FNDC3B: variants seen among roughly 807,000 people sequenced by gnomAD.
The protein encoded by FNDC3B is fibronectin type III domain containing 3B, also known as fibronectin type III domain-containing protein 3B.
Under a neutral mutation model 151.5 loss-of-function variants are expected in FNDC3B, and 12 were observed. That is an observed-to-expected ratio of 0.08 (90% CI 0.05 to 0.13). The LOEUF (loss-of-function observed/expected upper bound fraction) is 0.13. FNDC3B is among the 10% of genes least tolerant of loss of function. FNDC3B has a pLI of 1.00. For synonymous variants in FNDC3B, 528 were observed against 549.0 expected (o/e 0.96, Z 0.54); for missense variants, 1,214 against 1,505.3 (o/e 0.81, Z 3.20).
chr3:172,212,301 T>C (rs1483973016), intron 3 of FNDC3B, among the ~76,000 whole-genome samples: 3 of 152,214 alleles, frequency 2.0e-5, no homozygotes, highest in African/African-American at 7.2e-5. Flanking sequence ...AAAACTTAGC[T>C]AATTGGACTC....
At chr3:172,247,289 A>G (rs751985725) in intron 4 of FNDC3B, among the ~76,000 whole-genome samples, 3 of 152,254 alleles carry the variant, frequency 2.0e-5, no homozygotes, top group Non-Finnish European at 4.4e-5. Flanking sequence ...GGTCTCTCCA[A>G]AAAGTTACAT....
intron 1 of FNDC3B, among the ~76,000 whole-genome samples, chr3:172,041,505 T>A (rs370922304): frequency 0.023 from 2,733 of 120,968 alleles, 55 homozygotes; most frequent in Middle Eastern, 0.068. Context: ...TTTTTTTTTT[T>A]AAATAAATGT....
intron 3 of FNDC3B, among the ~76,000 whole-genome samples, chr3:172,142,190 G>A (rs540713646): frequency 1.3e-5 from 2 of 152,116 alleles, no homozygotes; most frequent in Non-Finnish European, 2.9e-5. Flanking sequence ...CTAAGCTTTC[G>A]CTCTTTATTA....
intron 3 of FNDC3B, among the ~76,000 whole-genome samples, chr3:172,137,902 C>T (rs1576899231): frequency 6.6e-6 from 1 of 152,086 alleles, no homozygotes; most frequent in African/African-American, 2.4e-5. Flanking sequence ...GTATAAAGAG[C>T]TAATTGTTAG....
chr3:172,260,253 G>T (rs1475396505), intron 6 of FNDC3B, among the ~76,000 whole-genome samples: 1 of 152,192 alleles, frequency 6.6e-6, no homozygotes, highest in East Asian at 1.9e-4. Context: ...TAGCTAAGTT[G>T]AATTCTGAAT....
rs1045320678 is a variant in FNDC3B at position 172,239,354 on chromosome 3, A to G, written c.265-8179A>G. ...TCGCATGCTCACTTTTATCTGAGAC[A>G]TCTTCTCTTCCTGGAATGACCTGGG... On this transcript the variant is annotated intron_variant, in intron 4 of 25. Transcript: ENST00000415807. Among the ~76,000 whole-genome samples the G allele has an allele frequency of 2.3e-4, 35 of 152,236 alleles. 2 individuals are homozygous for G. The highest frequency in any genetic ancestry group is 8.4e-4 in the African/African-American group (35 of 41,524).
chr3:172,353,108 G>C, intron 22 of FNDC3B, 25 bp downstream of exon 22: 1 of 1,604,648 alleles, frequency 6.2e-7, no homozygotes, highest in South Asian at 1.1e-5. Flanking sequence ...GTAGAAATCT[G>C]CATCAGCACA....
At chr3:172,181,242 A>G (rs1304083664) in intron 3 of FNDC3B, among the ~76,000 whole-genome samples, 1 of 151,710 alleles carries the variant, frequency 6.6e-6, no homozygotes, top group Non-Finnish European at 1.5e-5. Flanking sequence ...TCTACCAAAA[A>G]TACAAAAATT....
At chr3:172,061,037 TTTCTATACC>T (rs1261248240) in intron 1 of FNDC3B, among the ~76,000 whole-genome samples, 1 of 152,152 alleles carries the variant, frequency 6.6e-6, no homozygotes, top group African/African-American at 2.4e-5. Flanking sequence ...GAAGGCAGTG[TTTCTATACC>T]TCCTGAGCTC....
intron 23 of FNDC3B, among the ~76,000 whole-genome samples, chr3:172,375,362 A>G (rs573609964): frequency 1.3e-5 from 2 of 152,304 alleles, no homozygotes; most frequent in Admixed American, 6.5e-5. Context: ...AGATGGCCCA[A>G]TTGACACTTG....
rs368254220 is a variant in FNDC3B, at chr3:172,151,584, A to G, written c.187+18038A>G. Reference sequence around the variant, plus strand: ...AATTTAAATTTATTCCAGATGTACAAGAAGTATTTGAGATTTGGTAGTTTT... The same window carrying G: ...AATTTAAATTTATTCCAGATGTACAGGAAGTATTTGAGATTTGGTAGTTTT... On this transcript the variant is annotated intron_variant, in intron 3 of 25. Coordinates refer to ENST00000415807, the MANE Select transcript of FNDC3B (RefSeq NM_022763.4). Among the ~76,000 whole-genome samples the G allele has an allele frequency of 5.9e-5, 9 of 152,320 alleles. No individual in the cohort carries two copies. The East Asian group carries it at 1.7e-3, about 29-fold the overall frequency.
chr3:172,371,789 T>C (rs1028019800), intron 23 of FNDC3B, among the ~76,000 whole-genome samples: 1 of 152,204 alleles, frequency 6.6e-6, no homozygotes, highest in Non-Finnish European at 1.5e-5. Flanking sequence ...TGCCCAGCTC[T>C]TCTCTCCAAC....
At chr3:172,181,853 A>G (rs1450711833) in intron 3 of FNDC3B, among the ~76,000 whole-genome samples, 1 of 133,042 alleles carries the variant, frequency 7.5e-6, no homozygotes, top group Non-Finnish European at 1.6e-5. Flanking sequence ...AAAAAAAAAG[A>G]TTTTCAGTGG....
At chr3:172,102,599 A>T (rs76373984) in intron 1 of FNDC3B, among the ~76,000 whole-genome samples, 1 of 152,174 alleles carries the variant, frequency 6.6e-6, no homozygotes, top group African/African-American at 2.4e-5. Flanking sequence ...AGACACAGAG[A>T]GCTTACATAG....
rs574424303 is a variant in FNDC3B at position 172,341,159 on chromosome 3, C to T, written c.1899C>T (p.Thr633=). ...VAYSGSATEY[T]FTHLKPGTLY... is the part of the protein sequence containing the mutation. ...ACAGTGGGTCGGCTACCGAATACAC[C>T]TTCACCCACTTGAAACCAGGCACTT... is the stretch of plus-strand genomic sequence containing the variant. The change falls in exon 17 of 26, where the codon ACC becomes ACT. Residue 633 remains threonine, a synonymous_variant. Transcript: ENST00000415807. 30 of 1,614,178 alleles carry T rather than the reference C, an allele frequency of 1.9e-5. No individual in the cohort carries two copies. In the Admixed American group the frequency reaches 4.2e-4, roughly 22 times the overall value.
chr3:172,046,127 A>G (rs1428592550), intron 1 of FNDC3B, among the ~76,000 whole-genome samples: 1 of 152,174 alleles, frequency 6.6e-6, no homozygotes, highest in Non-Finnish European at 1.5e-5. Flanking sequence ...TATAAATCAC[A>G]TAAGATCGAT....
chr3:172,224,463 A>G (rs1726448477), intron 3 of FNDC3B, among the ~76,000 whole-genome samples: 1 of 152,222 alleles, frequency 6.6e-6, no homozygotes, highest in Non-Finnish European at 1.5e-5. Flanking sequence ...TTGGTATATT[A>G]TCCATGAATT....
At chr3:172,387,756 G>C (rs1047575218) in intron 25 of FNDC3B, among the ~76,000 whole-genome samples, 1 of 152,124 alleles carries the variant, frequency 6.6e-6, no homozygotes, top group African/African-American at 2.4e-5. Flanking sequence ...GAAACTGTCG[G>C]GTGTTTTACA....
chr3:172,307,927 T>TG (rs1731276588), intron 10 of FNDC3B, among the ~76,000 whole-genome samples: 1 of 152,224 alleles, frequency 6.6e-6, no homozygotes, highest in African/African-American at 2.4e-5. Context: ...CACGTATAAG[T>TG]GATATAGGTA....
Sources: gnomAD v4.1 joint callset for allele counts (sites outside exome capture counted in the v4.1 genomes callset) on GRCh38, gnomAD v4.1.1 for gene constraint, MANE v1.5 for transcripts, NCBI Gene and HGNC (gene_info 2026-07-23, HGNC 2026-07-21) for gene names.